Variants in MEGF6 observed in about 807,000 individuals in gnomAD.
The protein encoded by MEGF6 is multiple epidermal growth factor-like domains protein 6.
MEGF6 carries 184 observed loss-of-function variants against 207.1 expected under a neutral mutation model. That is an observed-to-expected ratio of 0.89 (90% CI 0.79 to 1.00). The LOEUF is 1.00. Ranked by LOEUF, MEGF6 falls within the 50% of genes least tolerant of loss-of-function variation. The probability of loss-of-function intolerance (pLI) is 0.00; values close to 1 mark genes in which losing one functional copy is unlikely to be tolerated. For synonymous variants in MEGF6, 1,038 were observed against 910.0 expected (o/e 1.14, Z -2.53); for missense variants, 2,282 against 2,202.9 (o/e 1.04, Z -0.72).
rs552532254 is a variant in MEGF6 at position 3,489,245 on chromosome 1, A to G, written c.*1283T>C. ...CTCCCTTGCTGTCTGTGAGCAACCA[A>G]GCTCACTGGACTCCTCCTCCTCCTG... On this transcript the variant is annotated 3_prime_UTR_variant, in exon 37 of 37. Coordinates refer to ENST00000356575, the MANE Select transcript of MEGF6 (RefSeq NM_001409.4). 6.6e-6 allele frequency among the ~76,000 whole-genome samples: 1 copy of G among 152,284 alleles called. No homozygotes were observed. The highest frequency in any genetic ancestry group is 2.4e-5 in the African/African-American group (1 of 41,550).
rs202006336 is a variant in MEGF6 at position 3,500,955 on chromosome 1, G to C, written c.2575+11C>G. ...ATGTCTGGACAAAGGGCAAGCCAAG[G>C]GCCCCCGTACCTCTCTGGCAGCTAA... On this transcript the variant is annotated intron_variant, in intron 20 of 36. Coordinates refer to ENST00000356575, the MANE Select transcript of MEGF6 (RefSeq NM_001409.4). The C allele has an allele frequency of 1.3e-4, 208 of 1,611,014 alleles. No homozygotes were observed. Among genetic ancestry groups the C allele is most frequent in the Non-Finnish European group, 1.7e-4 (198 of 1,179,918 alleles).
chr1:3,592,717 C>G (rs987654826), intron 3 of MEGF6, among the ~76,000 whole-genome samples: 2 of 152,216 alleles, frequency 1.3e-5, no homozygotes, highest in East Asian at 1.9e-4. Flanking sequence ...CACCGCCCCC[C>G]TCACTTGCTG....
chr1:3,501,062 G>A lies in MEGF6; in HGVS notation c.2479C>T (p.Gln827Ter), dbSNP rs1421351070. ...TCATTGGCACAAGAGCACCTTGTCT[G>A]GCAGCTGGGACCATACCAGCCTGCT... ...CPAGWYGPSC[Q>*]TRCSCANDGH... The change falls in exon 20 of 37, where the codon CAG becomes TAG. Residue 827 changes from glutamine to a stop codon, truncating the protein, a stop_gained. Coordinates refer to ENST00000356575, the MANE Select transcript of MEGF6 (RefSeq NM_001409.4). LOFTEE classifies it high-confidence loss of function. 1 of 1,612,778 alleles carries A rather than the reference G, an allele frequency of 6.2e-7. No homozygotes were observed. Among genetic ancestry groups the A allele is most frequent in the Admixed American group, 1.7e-5 (1 of 60,010 alleles).
chr1:3,494,176 C>T (rs1640500375), intron 32 of MEGF6, 52 bp from the exon 33 acceptor site: 1 of 1,517,964 alleles, frequency 6.6e-7, no homozygotes, highest in African/African-American at 1.4e-5. Flanking sequence ...CAGAAATGTC[C>T]AGTTTGCCCA....
At chr1:3,561,541 G>A (rs1643201542) in intron 4 of MEGF6, among the ~76,000 whole-genome samples, 1 of 152,160 alleles carries the variant, frequency 6.6e-6, no homozygotes, top group Non-Finnish European at 1.5e-5. Context: ...TGGATGGTCG[G>A]GGACCATGCA....
rs74424998 is a variant in MEGF6 at position 3,553,072 on chromosome 1, C to T, written c.481+26753G>A. ...TGGTGGCCAGGGGCCTCAAAGGTAA[C>T]GCACAGCCCTGTTCTGAGGGTACAG... On this transcript the variant is annotated intron_variant, in intron 4 of 36. Transcript: ENST00000356575. Among the ~76,000 whole-genome samples, 49 of 152,278 alleles carry T rather than the reference C, an allele frequency of 3.2e-4. 1 individual carries two copies. Among genetic ancestry groups the T allele is most frequent in the East Asian group, 1.4e-3 (7 of 5,184 alleles).
rs1268320244 is a variant in MEGF6, at chr1:3,509,880, C to T, written c.1347G>A (p.Arg449=). 6.4e-7 allele frequency: 1 copy of T among 1,559,106 alleles called. No individual in the cohort carries two copies. ...EAGYRLHEDR[R]GCSPLEEPMV... Reference sequence around the variant, plus strand: ...GGGCGGGAGACTCACGGCTGCAGCCCCTACGGTCCTCGTGCAGCCGGTAGC... The same window carrying T: ...GGGCGGGAGACTCACGGCTGCAGCCTCTACGGTCCTCGTGCAGCCGGTAGC... The change falls in exon 11 of 37, where the codon AGG becomes AGA. Residue 449 remains arginine (R), a synonymous_variant. Coordinates refer to ENST00000356575, the MANE Select transcript of MEGF6 (RefSeq NM_001409.4).
At chr1:3,555,692 G>A (rs953461546) in intron 4 of MEGF6, among the ~76,000 whole-genome samples, 14 of 152,296 alleles carry the variant, frequency 9.2e-5, no homozygotes, top group East Asian at 1.9e-4. Flanking sequence ...TCTCCAGCCC[G>A]CCCTGCCCCG....
chr1:3,508,041 T>C, intron 13 of MEGF6, 118 bp from the exon 14 acceptor site: 1 of 1,129,628 alleles, frequency 8.9e-7, no homozygotes. Context: ...ATGATGGCAC[T>C]TGTACCACAT....
At chr1:3,498,871 G>T (rs563106815) in intron 24 of MEGF6, 45 bp from the exon 25 acceptor site, 2 of 1,540,646 alleles carry the variant, frequency 1.3e-6, no homozygotes, top group African/African-American at 1.4e-5. Context: ...CCAGCCAGCT[G>T]GCCCCACAGG....
intron 4 of MEGF6, among the ~76,000 whole-genome samples, chr1:3,539,305 G>C (rs1557760758): frequency 6.6e-6 from 1 of 152,240 alleles, no homozygotes; most frequent in East Asian, 1.9e-4. Context: ...AGAAAGGCCA[G>C]GCAGGGCCAG....
intron 4 of MEGF6, among the ~76,000 whole-genome samples, chr1:3,546,473 C>T (rs1642707329): frequency 6.6e-6 from 1 of 152,234 alleles, no homozygotes; most frequent in African/African-American, 2.4e-5. Context: ...TGAGGAGTAC[C>T]CCGAGTGGAG....
chr1:3,529,040 C>T (rs879812356), intron 4 of MEGF6, among the ~76,000 whole-genome samples: 4 of 152,174 alleles, frequency 2.6e-5, no homozygotes, highest in Non-Finnish European at 4.4e-5. Flanking sequence ...ACCGGCCCCC[C>T]GACTCCTGTG....
rs531979822 is a variant in MEGF6, at chr1:3,499,184, C to T, written c.3048G>A (p.Gly1016=). The change falls in exon 24 of 37, where the codon GGG becomes GGA. Residue 1016 remains glycine (G), a synonymous_variant. Transcript: ENST00000356575. ...FNGASCDPVH[G]QCHCAPGWMG... ...TCCAGCCAGGGGCACAGTGGCACTG[C>T]CCGTGGACAGGGTCACAGGAGGCCC... 1 of 1,603,814 alleles carries T rather than the reference C, an allele frequency of 6.2e-7. No homozygotes were observed. Among genetic ancestry groups the T allele is most frequent in the Non-Finnish European group, 8.5e-7 (1 of 1,176,440 alleles).
chr1:3,527,798 G>A (rs1642016671), intron 4 of MEGF6, among the ~76,000 whole-genome samples: 1 of 152,120 alleles, frequency 6.6e-6, no homozygotes, highest in Admixed American at 6.5e-5. Context: ...CCCCCGAGAG[G>A]GTCTCTGAAA....
intron 4 of MEGF6, among the ~76,000 whole-genome samples, chr1:3,551,710 C>T (rs912821623): frequency 1.3e-5 from 2 of 152,162 alleles, no homozygotes; most frequent in African/African-American, 4.8e-5. Context: ...ACACACCACA[C>T]TGCAGGGGAG....
intron 5 of MEGF6, among the ~76,000 whole-genome samples, chr1:3,519,472 G>A (rs548597994): frequency 6.6e-6 from 1 of 152,250 alleles, no homozygotes; most frequent in African/African-American, 2.4e-5. Context: ...ACCGCCACAC[G>A]CGCCTACTCG....
rs1164630807 is a variant in MEGF6, at chr1:3,506,215, C to T, written c.1811G>A (p.Gly604Asp). The change falls in exon 15 of 37, where the codon GGC becomes GAC. Residue 604 changes from glycine (G) to aspartate (D), a missense_variant. By Grantham distance (94) the Gly-to-Asp change is moderately conservative. Coordinates refer to ENST00000356575, the MANE Select transcript of MEGF6 (RefSeq NM_001409.4). Reference protein sequence around the residue: ...CEDGCPKGYYGKHCRKKCNCA... With the variant: ...CEDGCPKGYYDKHCRKKCNCA... The stretch of plus-strand genomic sequence containing the variant: ...GTTGCATTTCTTGCGACAGTGCTTG[C>T]CATAGTAGCCCTTGGGGCAGCCTGG... The T allele has an allele frequency of 6.2e-7, 1 of 1,608,334 alleles. No individual in the cohort carries two copies. Among genetic ancestry groups the T allele is most frequent in the Non-Finnish European group, 8.5e-7 (1 of 1,178,020 alleles).
At chr1:3,570,559 T>C (rs941801464) in intron 4 of MEGF6, among the ~76,000 whole-genome samples, 1 of 152,200 alleles carries the variant, frequency 6.6e-6, no homozygotes, top group Non-Finnish European at 1.5e-5. Flanking sequence ...AGGAGGCATC[T>C]TCCGGCCCAG....
Sources: gnomAD v4.1 joint callset for allele counts (sites outside exome capture counted in the v4.1 genomes callset) on GRCh38, gnomAD v4.1.1 for gene constraint, MANE v1.5 for transcripts, NCBI Gene and HGNC (gene_info 2026-07-23, HGNC 2026-07-21) for gene names.